SORCS1: variants seen among roughly 807,000 people sequenced by gnomAD.
SORCS1 encodes sortilin related VPS10 domain containing receptor 1, also known as VPS10 domain-containing receptor SorCS1.
A neutral mutation model predicts 146.1 loss-of-function variants in SORCS1; 60 were observed. That is an observed-to-expected ratio of 0.41 (90% CI 0.33 to 0.51). The LOEUF is 0.51. Among genes scored for constraint, SORCS1 ranks in the 20% least tolerant of loss-of-function variants. SORCS1 has a pLI of 0.21. For missense variants in SORCS1, 1,352 were observed against 1,487.6 expected, an observed-to-expected ratio of 0.91 and a Z score of 1.50; for synonymous variants, 637 against 584.0, an observed-to-expected ratio of 1.09 and a Z score of -1.31.
chr10:106,993,445 G>A (rs1956856203), intron 1 of SORCS1, among the ~76,000 whole-genome samples: 2 of 152,172 alleles, frequency 1.3e-5, no homozygotes, highest in Admixed American at 1.3e-4. Flanking sequence ...GAGTAGCAAA[G>A]AGATACATGA....
chr10:107,085,385 A>C (rs564736477), intron 1 of SORCS1, among the ~76,000 whole-genome samples: 41 of 152,352 alleles, frequency 2.7e-4, no homozygotes, highest in African/African-American at 9.6e-4. Flanking sequence ...CTCATCATTA[A>C]GACTGAAAAT....
intron 2 of SORCS1, among the ~76,000 whole-genome samples, chr10:106,854,529 T>C (rs1025952653): frequency 6.6e-6 from 1 of 151,958 alleles, no homozygotes; most frequent in African/African-American, 2.4e-5. Context: ...TTTGTTCCTA[T>C]TATCTTTCAC....
chr10:106,932,685 C>T (rs574697326), intron 2 of SORCS1, among the ~76,000 whole-genome samples: 1 of 152,302 alleles, frequency 6.6e-6, no homozygotes, highest in South Asian at 2.1e-4. Flanking sequence ...GACAAACATG[C>T]AAAATGAGCT....
At chr10:106,812,048 T>G (rs1442891808) in intron 3 of SORCS1, among the ~76,000 whole-genome samples, 1 of 152,180 alleles carries the variant, frequency 6.6e-6, no homozygotes, top group Non-Finnish European at 1.5e-5. Context: ...TCGCCCAGGC[T>G]GGAGTGCAGT....
chr10:106,800,374 T>A (rs1386062288), intron 3 of SORCS1, among the ~76,000 whole-genome samples: 1 of 152,198 alleles, frequency 6.6e-6, no homozygotes, highest in Admixed American at 6.5e-5. Context: ...AAGGTTGATA[T>A]CTCTGTTTAA....
intron 5 of SORCS1, among the ~76,000 whole-genome samples, chr10:106,732,673 C>T (rs993173222): frequency 2.6e-5 from 4 of 152,174 alleles, no homozygotes; most frequent in South Asian, 2.1e-4. Flanking sequence ...CTAGTGTCAA[C>T]GGGAGGCAAA....
chr10:107,113,237 C>T (rs1294415111), intron 1 of SORCS1, among the ~76,000 whole-genome samples: 1 of 151,942 alleles, frequency 6.6e-6, no homozygotes, highest in Non-Finnish European at 1.5e-5. Flanking sequence ...GGAAATTAAA[C>T]AACATACTGT....
chr10:107,018,235 C>T (rs745548490), intron 1 of SORCS1, among the ~76,000 whole-genome samples: 9 of 151,926 alleles, frequency 5.9e-5, no homozygotes, highest in Non-Finnish European at 1.0e-4. Context: ...AGTGCAGTGG[C>T]GCAATCTTGG....
intron 2 of SORCS1, among the ~76,000 whole-genome samples, chr10:106,833,608 G>C (rs1003068574): frequency 6.6e-6 from 1 of 152,070 alleles, no homozygotes; most frequent in African/African-American, 2.4e-5. Context: ...TCACAGTCTA[G>C]CAATCAAAAG....
chr10:106,589,785 G>C (rs946523872), intron 24 of SORCS1, among the ~76,000 whole-genome samples: 1 of 151,206 alleles, frequency 6.6e-6, no homozygotes, highest in Non-Finnish European at 1.5e-5. Context: ...TGCCACTTGA[G>C]TTGTAAACTT....
At chr10:106,578,965 T>C (rs1485040544) in intron 25 of SORCS1, 1 of 1,444,760 alleles carries the variant, frequency 6.9e-7, no homozygotes, top group Non-Finnish European at 9.1e-7. Flanking sequence ...AAAAGCCATC[T>C]TAGCTGTTTC....
chr10:106,956,004 C>T (rs1954919925), intron 2 of SORCS1, among the ~76,000 whole-genome samples: 1 of 152,092 alleles, frequency 6.6e-6, no homozygotes, highest in Admixed American at 6.5e-5. Context: ...GTGGCGCATG[C>T]CTGTAATCCC....
rs1851582824 is a variant in SORCS1, at chr10:106,671,308, C to T, written c.2118G>A (p.Lys706=). The T allele has an allele frequency of 1.2e-6, 2 of 1,614,050 alleles. No individual in the cohort carries two copies. The highest frequency in any genetic ancestry group is 1.3e-5 in the African/African-American group (1 of 74,938). The change falls in exon 16 of 26, where the codon AAG becomes AAA. Residue 706 remains lysine, a synonymous_variant. Coordinates refer to ENST00000263054, the MANE Select transcript of SORCS1 (RefSeq NM_052918.5). ...CTCCTGCATATTTTCCTTGCATACA[C>T]TTCCGCTCTGATTTTCGCTTCTTAT... ...RIYKKRKSER[K]CMQGKYAGAM...
intron 1 of SORCS1, among the ~76,000 whole-genome samples, chr10:107,094,120 T>C (rs1011895256): frequency 1.3e-5 from 2 of 152,248 alleles, no homozygotes; most frequent in African/African-American, 4.8e-5. Flanking sequence ...CCTTTATATA[T>C]TTCACTAATG....
At chr10:107,130,286 A>C (rs1590202867) in intron 1 of SORCS1, among the ~76,000 whole-genome samples, 1 of 152,224 alleles carries the variant, frequency 6.6e-6, no homozygotes, top group Admixed American at 6.5e-5. Context: ...GGCTACTTTT[A>C]TTTACAGAAG....
At chr10:106,721,743 T>G (rs1367750890) in intron 6 of SORCS1, among the ~76,000 whole-genome samples, 1 of 152,214 alleles carries the variant, frequency 6.6e-6, no homozygotes, top group Admixed American at 6.5e-5. Flanking sequence ...CTTCATAAAT[T>G]CTCTTTCCGT....
intron 2 of SORCS1, among the ~76,000 whole-genome samples, chr10:106,870,009 T>C (rs1057086464): frequency 2.0e-5 from 3 of 151,952 alleles, no homozygotes; most frequent in Non-Finnish European, 2.9e-5. Context: ...GGATACAAAA[T>C]CAATATACAA....
At chr10:107,023,966 G>T (rs1254938087) in intron 1 of SORCS1, among the ~76,000 whole-genome samples, 1 of 152,086 alleles carries the variant, frequency 6.6e-6, no homozygotes, top group Non-Finnish European at 1.5e-5. Flanking sequence ...TTGAGGTCAG[G>T]AGTTCGAGAC....
At chr10:106,597,520 A>T in intron 23 of SORCS1, 70 bp from the exon 24 acceptor site, 1 of 1,198,684 alleles carries the variant, frequency 8.3e-7, no homozygotes, top group South Asian at 1.3e-5. Flanking sequence ...GCTTAGAAAT[A>T]TTTACTATTT....
Sources: allele counts gnomAD v4.1 joint callset (sites outside exome capture counted in the v4.1 genomes callset), GRCh38; gene constraint gnomAD v4.1.1; transcripts MANE v1.5; gene names NCBI Gene and HGNC (gene_info 2026-07-23, HGNC 2026-07-21).